The following EEF1AKMT2 variants were observed in gnomAD, a reference collection of about 807,000 sequenced individuals.
The protein encoded by EEF1AKMT2 is eukaryotic translation elongation factor 1 alpha lysine methyltransferase 2.
Under a neutral mutation model 35.8 loss-of-function variants are expected in EEF1AKMT2, and 32 were observed. That is an observed-to-expected ratio of 0.89 (90% CI 0.67 to 1.20). EEF1AKMT2 has a LOEUF of 1.20. Ranked by LOEUF, EEF1AKMT2 falls within the 50% of genes most tolerant of loss-of-function variation. EEF1AKMT2 has a pLI of 0.00. For synonymous variants in EEF1AKMT2, 121 were observed against 133.7 expected, an observed-to-expected ratio of 0.91 and a Z score of 0.65; for missense variants, 330 against 347.5, an observed-to-expected ratio of 0.95 and a Z score of 0.40.
intron 3 of EEF1AKMT2, among the ~76,000 whole-genome samples, chr10:124,778,628 G>A (rs1950509169): frequency 6.6e-6 from 1 of 151,478 alleles, no homozygotes; most frequent in African/African-American, 2.4e-5. Context: ...GGAGACTGAG[G>A]CAAGAGAATC....
At chr10:124,757,166 C>CACACACACACA (rs1950292934), downstream of EEF1AKMT2, among the ~76,000 whole-genome samples, 35 of 143,282 alleles carry the variant, frequency 2.4e-4, 1 homozygote, top group African/African-American at 7.8e-4. Flanking sequence ...ACACTCCCTC[C>CACACACACACA]CACACACACA....
chr10:124,787,639 C>A (rs1207700595), intron 3 of EEF1AKMT2, among the ~76,000 whole-genome samples: 2 of 150,516 alleles, frequency 1.3e-5, no homozygotes, highest in Admixed American at 6.7e-5. Flanking sequence ...CAAAAAAAAT[C>A]AAAATATGAG....
intron 1 of EEF1AKMT2, among the ~76,000 whole-genome samples, chr10:124,791,344 C>T (rs1950632675): frequency 1.3e-5 from 2 of 152,168 alleles, no homozygotes; most frequent in Admixed American, 1.3e-4. Context: ...GCCTTTTCGG[C>T]TCCCAGGCCC....
At chr10:124,788,710 TTATATATATA>T (rs146577563) in intron 3 of EEF1AKMT2, among the ~76,000 whole-genome samples, 2 of 92,504 alleles carry the variant, frequency 2.2e-5, no homozygotes, top group Admixed American at 1.2e-4. Flanking sequence ...AAGGTCATCT[TTATATATATA>T]TATATATATG....
rs1281227993 is a variant in EEF1AKMT2, at chr10:124,762,540, C to T, written c.635G>A (p.Gly212Glu). The T allele has an allele frequency of 2.4e-6, 3 of 1,242,886 alleles. No homozygotes were observed. Among genetic ancestry groups the T allele is most frequent in the Non-Finnish European group, 3.2e-6 (3 of 951,530 alleles). 77.0% of individuals were successfully genotyped at this position (1,242,886 alleles called of 1,614,324 possible). A position where few individuals can be genotyped will look rare whatever the true frequency, so the allele number is the denominator to read the frequency against. ...AGTCAAGGCTGCAGTGAGCCAAAATCCTGCCACTGTACTCCAACCTGGGCA... is the reference window on the plus strand; with the variant it reads ...AGTCAAGGCTGCAGTGAGCCAAAATTCTGCCACTGTACTCCAACCTGGGCA... ...EFSEGWSTVAGFWLTAALTSW... is the reference protein window; with the variant it reads ...EFSEGWSTVAEFWLTAALTSW... Residue 212 changes from glycine to glutamate, a missense_variant, in exon 6 of 7, where the codon GGA becomes GAA. Coordinates refer to ENST00000368836, the MANE Select transcript of EEF1AKMT2 (RefSeq NM_212554.4).
intron 4 of EEF1AKMT2, among the ~76,000 whole-genome samples, chr10:124,768,478 C>T (rs1185485181): frequency 6.6e-6 from 1 of 152,164 alleles, no homozygotes; most frequent in Non-Finnish European, 1.5e-5. Context: ...GGCGCAGTGA[C>T]TCACACCTGT....
At chr10:124,786,379 G>A (rs1210987828) in intron 3 of EEF1AKMT2, among the ~76,000 whole-genome samples, 1 of 151,904 alleles carries the variant, frequency 6.6e-6, no homozygotes, top group East Asian at 1.9e-4. Context: ...GGTGGTGGGT[G>A]CCTGTAATCC....
At chr10:124,764,077 T>A (rs1950355870) in intron 5 of EEF1AKMT2, among the ~76,000 whole-genome samples, 2 of 152,082 alleles carry the variant, frequency 1.3e-5, no homozygotes, top group Non-Finnish European at 2.9e-5. Context: ...TATTAAGTGT[T>A]CTCCCAGCCT....
At position 124,790,313 on chromosome 10, in the gene EEF1AKMT2, G is replaced by C. The variant is rs1019888422; in HGVS notation, c.136C>G (p.Leu46Val). ...TCTCCATATTCTCGGAAAGTTTGCA[G>C]TTCTCTCTCATAGACAGCATCCCAA... ...EHWDAVYERE[L>V]QTFREYGDTG... Residue 46 changes from leucine to valine, a missense_variant, in exon 2 of 7, where the codon CTG (leucine) becomes GTG (valine). Physicochemically the swap from Leu to Val is conservative, Grantham distance 32 (BLOSUM62 1). Transcript: ENST00000368836. 2 of 1,612,506 alleles carry C rather than the reference G, an allele frequency of 1.2e-6. No homozygotes were observed. Among genetic ancestry groups the C allele is most frequent in the Admixed American group, 1.7e-5 (1 of 59,974 alleles).
chr10:124,764,625 T>G (rs112796585), intron 5 of EEF1AKMT2, among the ~76,000 whole-genome samples: 3,871 of 152,304 alleles, frequency 0.025, 77 homozygotes, highest in Non-Finnish European at 0.042. Flanking sequence ...CCGTGCAATC[T>G]TAAAAATAAT....
intron 3 of EEF1AKMT2, chr10:124,782,969 G>A (rs1380137974): frequency 2.3e-6 from 1 of 430,546 alleles, no homozygotes; most frequent in Non-Finnish European, 4.6e-6. Context: ...ACTATATGCT[G>A]GCTACAAGAA....
At chr10:124,785,680 G>T (rs1281593235) in intron 3 of EEF1AKMT2, among the ~76,000 whole-genome samples, 1 of 151,832 alleles carries the variant, frequency 6.6e-6, no homozygotes, top group Non-Finnish European at 1.5e-5. Context: ...GATCACCTGA[G>T]GTCAGGAGTT....
chr10:124,788,358 A>G (rs1485100414), intron 3 of EEF1AKMT2, among the ~76,000 whole-genome samples: 1 of 152,152 alleles, frequency 6.6e-6, no homozygotes. Context: ...TCCATATGTC[A>G]GTCCATACTC....
chr10:124,770,448 A>G (rs892895379), intron 4 of EEF1AKMT2, among the ~76,000 whole-genome samples: 31 of 152,142 alleles, frequency 2.0e-4, no homozygotes, highest in African/African-American at 6.8e-4. Flanking sequence ...TTAAAAAAAC[A>G]CTAACAAGCC....
At chr10:124,763,389 T>C (rs1381231582) in intron 5 of EEF1AKMT2, among the ~76,000 whole-genome samples, 3 of 152,184 alleles carry the variant, frequency 2.0e-5, no homozygotes, top group Non-Finnish European at 4.4e-5. Context: ...CCTTAAAAGA[T>C]TGGTGAAACA....
chr10:124,767,917 C>T (rs59756378), intron 4 of EEF1AKMT2, among the ~76,000 whole-genome samples: 13 of 152,246 alleles, frequency 8.5e-5, no homozygotes, highest in African/African-American at 2.6e-4. Flanking sequence ...ACCCAGGAAA[C>T]GGAGGTTGCG....
intron 3 of EEF1AKMT2, among the ~76,000 whole-genome samples, chr10:124,787,980 A>C (rs1411487099): frequency 6.6e-6 from 1 of 152,164 alleles, no homozygotes; most frequent in Admixed American, 6.5e-5. Flanking sequence ...ACATTTTAAC[A>C]ATTCCCCATA....
At chr10:124,791,167 A>T (rs188856378) in intron 1 of EEF1AKMT2, among the ~76,000 whole-genome samples, 200 of 152,128 alleles carry the variant, frequency 1.3e-3, no homozygotes, top group African/African-American at 4.6e-3. Flanking sequence ...TGTTCCCTGC[A>T]GCCATTCATC....
Position 124,777,290 on chromosome 10 carries a change from A to G in EEF1AKMT2, c.292-2508T>C, listed in dbSNP as rs542004751. Among the ~76,000 whole-genome samples, 671 of 152,108 alleles carry G rather than the reference A, an allele frequency of 4.4e-3. 4 individuals are homozygous for G. The highest frequency in any genetic ancestry group is 0.015 in the African/African-American group (623 of 41,532). Reference sequence around the variant, plus strand: ...GCAAAACTCTGACTCAAAAAAAAAAAAAAAAAGAAAAAAAGACAGAATATA... The same window carrying G: ...GCAAAACTCTGACTCAAAAAAAAAAGAAAAAAGAAAAAAAGACAGAATATA... On this transcript the variant is annotated intron_variant, in intron 3 of 6. Transcript: ENST00000368836.
Sources: gnomAD v4.1 joint callset for allele counts (sites outside exome capture counted in the v4.1 genomes callset) on GRCh38, gnomAD v4.1.1 for gene constraint, MANE v1.5 for transcripts, NCBI Gene and HGNC (gene_info 2026-07-23, HGNC 2026-07-21) for gene names.